Variants in ANAPC1 observed in about 807,000 individuals in gnomAD.
ANAPC1 encodes anaphase promoting complex subunit 1, also known as anaphase-promoting complex subunit 1.
ANAPC1 carries 36 observed loss-of-function variants against 208.0 expected under a neutral mutation model. That is an observed-to-expected ratio of 0.17 (90% CI 0.13 to 0.23). The LOEUF is 0.23. ANAPC1 is among the 10% of genes least tolerant of loss of function. ANAPC1 has a pLI of 1.00. For missense variants in ANAPC1, 942 were observed against 2,011.6 expected (o/e 0.47, Z 10.17); for synonymous variants, 378 against 695.2 (o/e 0.54, Z 7.18).
chr2:111,852,123 GGAA>G (rs1453409380), intron 13 of ANAPC1, among the ~76,000 whole-genome samples: 1 of 148,192 alleles, frequency 6.7e-6, no homozygotes, highest in Admixed American at 6.8e-5. Flanking sequence ...ACGAAAAGAT[GGAA>G]TAAGCACATA....
At position 111,878,888 on chromosome 2, in the gene ANAPC1, C is replaced by A; in HGVS notation, c.297G>T (p.Met99Ile). The change falls in exon 3 of 48, where the codon ATG becomes ATT. Residue 99 changes from methionine to isoleucine, a missense_variant. Coordinates refer to ENST00000341068, the MANE Select transcript of ANAPC1 (RefSeq NM_022662.4). Reference sequence around the variant, plus strand: ...TTTTACTTCCTTTGCTCCATATCACCATATTTCCAGCAACATAGAGTTCCT... The same window carrying A: ...TTTTACTTCCTTTGCTCCATATCACAATATTTCCAGCAACATAGAGTTCCT... ...YDEELYVAGN[M>I]VIWSKGSKSQ... The A allele has an allele frequency of 6.2e-7, 1 of 1,607,074 alleles. No homozygotes were observed. Among genetic ancestry groups the A allele is most frequent in the Non-Finnish European group, 8.5e-7 (1 of 1,177,910 alleles).
In ANAPC1 at chr2:111,834,679, T is replaced by C. The variant is rs758879369; in HGVS notation, c.2309A>G (p.Tyr770Cys). 6.2e-7 allele frequency: 1 copy of C among 1,613,594 alleles called. No individual in the cohort carries two copies. The highest frequency in any genetic ancestry group is 8.5e-7 in the Non-Finnish European group (1 of 1,179,778). The stretch of plus-strand genomic sequence containing the variant: ...TAGAGTATTCAACTTAAGCTCCTCA[T>C]ACACAAGGTGAAGAACGAAAAAAAT... ...PAIFFVLHLVYEELKLNTLMG... is the reference protein window; with the variant it reads ...PAIFFVLHLVCEELKLNTLMG... Residue 770 changes from tyrosine (Y) to cysteine (C), a missense_variant, in exon 19 of 48, where the codon TAT becomes TGT. Coordinates refer to ENST00000341068, the MANE Select transcript of ANAPC1 (RefSeq NM_022662.4).
intron 1 of ANAPC1, among the ~76,000 whole-genome samples, chr2:111,881,189 C>A (rs1406681135): frequency 1.3e-5 from 2 of 152,066 alleles, no homozygotes; most frequent in Non-Finnish European, 2.9e-5. Context: ...ATTCTATGGT[C>A]CCATAACTAC....
chr2:111,823,855 T>C (rs540791070), intron 24 of ANAPC1, among the ~76,000 whole-genome samples: 115 of 150,928 alleles, frequency 7.6e-4, no homozygotes, highest in Middle Eastern at 3.4e-3. Context: ...AACAGATATG[T>C]AAGGGCCTTC....
intron 45 of ANAPC1, among the ~76,000 whole-genome samples, chr2:111,777,958 C>A: frequency 6.6e-6 from 1 of 152,276 alleles, no homozygotes; most frequent in Admixed American, 6.5e-5. Context: ...AATTCTGATT[C>A]AATAGATGAG....
chr2:111,854,013 G>C (rs916770531), intron 13 of ANAPC1, among the ~76,000 whole-genome samples: 1 of 152,172 alleles, frequency 6.6e-6, no homozygotes, highest in Non-Finnish European at 1.5e-5. Context: ...GCCACGCCCA[G>C]CCCAGAAGGT....
chr2:111,844,306 C>A lies in ANAPC1; in HGVS notation c.1853-707G>T, dbSNP rs1164953395. 2.0e-5 allele frequency among the ~76,000 whole-genome samples: 3 copies of A among 151,904 alleles called. No individual in the cohort carries two copies. In the East Asian group the frequency reaches 5.8e-4, roughly 29 times the overall value. ...ACTATGGGCCAGGCATGGTGACTCA[C>A]GCCTGTAATCTAAGCACTTTGCGAG... On this transcript the variant is annotated intron_variant, in intron 16 of 47. Coordinates refer to ENST00000341068, the MANE Select transcript of ANAPC1 (RefSeq NM_022662.4).
At chr2:111,836,897 G>A (rs1341415804) in intron 18 of ANAPC1, among the ~76,000 whole-genome samples, 3 of 151,608 alleles carry the variant, frequency 2.0e-5, no homozygotes, top group East Asian at 1.9e-4. Flanking sequence ...GAACTCGGGA[G>A]TCAGAGGTTG....
chr2:111,836,546 C>T (rs1680477751), intron 18 of ANAPC1, among the ~76,000 whole-genome samples: 1 of 150,818 alleles, frequency 6.6e-6, no homozygotes, highest in South Asian at 2.1e-4. Flanking sequence ...TACTTGGAGG[C>T]TGAGGTAGGA....
At chr2:111,847,936 T>C (rs1558717681) in intron 14 of ANAPC1, 71 bp from the exon 15 acceptor site, 33 of 1,378,928 alleles carry the variant, frequency 2.4e-5, no homozygotes, top group Non-Finnish European at 3.2e-5. Context: ...AATTTAACTG[T>C]TTCTTTTTTG....
rs898775868 is a variant in ANAPC1 at position 111,862,403 on chromosome 2, C to T, written c.1248G>A (p.Thr416=). 1.5e-5 allele frequency: 24 copies of T among 1,554,800 alleles called. No homozygotes were observed. Among genetic ancestry groups the T allele is most frequent in the African/African-American group, 2.8e-5 (2 of 72,238 alleles). The change falls in exon 10 of 48, where the codon ACG becomes ACA. Residue 416 remains threonine (T), a synonymous_variant. Coordinates refer to ENST00000341068, the MANE Select transcript of ANAPC1 (RefSeq NM_022662.4). Reference sequence around the variant, plus strand: ...ATATAACAAACCTTATATTAGTAATCGTTTCTGTCCACAAATGGTCAATAC... The same window carrying T: ...ATATAACAAACCTTATATTAGTAATTGTTTCTGTCCACAAATGGTCAATAC... The part of the protein sequence containing the change: ...ELCIDHLWTE[T]ITNIREKNSQ...
At chr2:111,784,004 A>G in intron 41 of ANAPC1, 40 bp from the exon 42 acceptor site, 2 of 680,444 alleles carry the variant, frequency 2.9e-6, no homozygotes, top group Non-Finnish European at 2.6e-6. Context: ...CCAAAGCTGA[A>G]AAATATGCTC....
chr2:111,882,952 G>T (rs1487152144), intron 1 of ANAPC1, among the ~76,000 whole-genome samples: 1 of 151,908 alleles, frequency 6.6e-6, no homozygotes, highest in African/African-American at 2.4e-5. Flanking sequence ...TGGATCACGA[G>T]GTCAGGAGTT....
At chr2:111,861,526 A>AC (rs1682065669) in intron 10 of ANAPC1, among the ~76,000 whole-genome samples, 1 of 149,424 alleles carries the variant, frequency 6.7e-6, no homozygotes. Flanking sequence ...CCTAGCGAAT[A>AC]CCTATTCGTC....
At chr2:111,854,375 T>G (rs1282306153) in intron 13 of ANAPC1, among the ~76,000 whole-genome samples, 1 of 152,200 alleles carries the variant, frequency 6.6e-6, no homozygotes, top group Non-Finnish European at 1.5e-5. Context: ...AGACTTGGCA[T>G]AATTCTTAAG....
At position 111,880,636 on chromosome 2, in the gene ANAPC1, C is replaced by T. The variant is rs370108083; in HGVS notation, c.190G>A (p.Val64Ile). 68 of 1,612,176 alleles carry T rather than the reference C, an allele frequency of 4.2e-5. No homozygotes were observed. The highest frequency in any genetic ancestry group is 5.3e-5 in the Non-Finnish European group (62 of 1,179,744). ...AAGLVGSLQE[V>I]TIHEKQKESW... is the part of the protein sequence containing the mutation. ...ACCTTCTGTTTCTCGTGGATTGTAA[C>T]CTCCTGAAGGGATCCCACCAAGCCA... Residue 64 changes from valine to isoleucine, a missense_variant, in exon 2 of 48, where the codon GTT becomes ATT. Val to Ile is a conservative substitution (Grantham distance 29). Coordinates refer to ENST00000341068, the MANE Select transcript of ANAPC1 (RefSeq NM_022662.4).
At chr2:111,844,446 G>T (rs1003323720) in intron 16 of ANAPC1, among the ~76,000 whole-genome samples, 2 of 151,602 alleles carry the variant, frequency 1.3e-5, no homozygotes, top group African/African-American at 2.4e-5. Context: ...GCAGGCACCT[G>T]TAATCCCAGC....
intron 28 of ANAPC1, among the ~76,000 whole-genome samples, chr2:111,813,987 GA>G (rs1679120233): frequency 6.6e-6 from 1 of 151,542 alleles, no homozygotes; most frequent in South Asian, 2.1e-4. Flanking sequence ...AGATCTCTCT[GA>G]GTTCTTTCAA....
At chr2:111,831,225 A>G (rs554683539) in intron 21 of ANAPC1, 61 bp downstream of exon 21, 6 of 1,533,618 alleles carry the variant, frequency 3.9e-6, no homozygotes, top group Admixed American at 4.3e-5. Flanking sequence ...TATCAGGTGT[A>G]CTTTTTAAAA....
Sources: gnomAD v4.1 joint callset for allele counts (sites outside exome capture counted in the v4.1 genomes callset) on GRCh38, gnomAD v4.1.1 for gene constraint, MANE v1.5 for transcripts, NCBI Gene and HGNC (gene_info 2026-07-23, HGNC 2026-07-21) for gene names.